The following HDAC4 variants were observed in gnomAD, a reference collection of about 807,000 sequenced individuals.
HDAC4 encodes histone deacetylase 4.
Under a neutral mutation model 135.1 loss-of-function variants are expected in HDAC4, and 16 were observed. That is an observed-to-expected ratio of 0.12 (90% CI 0.08 to 0.18). The LOEUF is 0.18. HDAC4 is among the 10% of genes least tolerant of loss of function. The pLI, the probability that HDAC4 is intolerant of heterozygous loss-of-function variation, is 1.00. For synonymous variants in HDAC4, 685 were observed against 653.4 expected, an observed-to-expected ratio of 1.05 and a Z score of -0.74; for missense variants, 1,143 against 1,511.8, an observed-to-expected ratio of 0.76 and a Z score of 4.05.
chr2:239,389,434 C>T lies in HDAC4; in HGVS notation c.-220+11544G>A, dbSNP rs140049793. On this transcript the variant is annotated intron_variant, in intron 1 of 26. Coordinates refer to ENST00000543185, the MANE Select transcript of HDAC4 (RefSeq NM_001378414.1). ...CGAACCTGCTGGACAGAAGAAACCC[C>T]GGACACATCTGAAGGAACAAACTCC... Among the ~76,000 whole-genome samples, 1,238 of 152,260 alleles carry T rather than the reference C, an allele frequency of 8.1e-3. 18 individuals carry two copies. The highest frequency in any genetic ancestry group is 0.027 in the African/African-American group (1,140 of 41,548).
At chr2:239,136,568 A>G (rs2040970707) in intron 9 of HDAC4, among the ~76,000 whole-genome samples, 1 of 152,252 alleles carries the variant, frequency 6.6e-6, no homozygotes, top group Admixed American at 6.5e-5. Flanking sequence ...AAGCTTCTGC[A>G]CAGCAAAGGA....
Position 239,400,347 on chromosome 2 carries a change from C to G in HDAC4, c.-220+631G>C, listed in dbSNP as rs1696881385. On this transcript the variant is annotated intron_variant, in intron 1 of 26. Coordinates refer to ENST00000543185, the MANE Select transcript of HDAC4 (RefSeq NM_001378414.1). This position sits in a 1 kb window ranked among gnomAD's most constrained non-coding sequence, Gnocchi z 4.7. Reference sequence around the variant, plus strand: ...GCCGGCCCCGGCGCCCGCCCGCCCCCGCCCTCACTCCCGGCGGCCCGGAGC... The same window carrying G: ...GCCGGCCCCGGCGCCCGCCCGCCCCGGCCCTCACTCCCGGCGGCCCGGAGC... The G allele has an allele frequency of 1.3e-5, 2 of 149,030 alleles. No individual in the cohort carries two copies. The highest frequency in any genetic ancestry group is 4.1e-4 in the South Asian group (2 of 4,894). 9.2% of individuals were successfully genotyped at this position (149,030 alleles called of 1,614,324 possible).
In HDAC4 at chr2:239,141,067, AC is replaced by A. The variant is rs1434519238; in HGVS notation, c.866-1272del. On this transcript the variant is annotated intron_variant, in intron 8 of 26. Coordinates refer to ENST00000543185, the MANE Select transcript of HDAC4 (RefSeq NM_001378414.1). This position sits in a 1 kb window ranked among gnomAD's most constrained non-coding sequence, Gnocchi z 4.9. The stretch of plus-strand genomic sequence containing the variant: ...ACTGTTTGAGGAAGGTGCCATTATG[AC>A]CCCGTTTCCCAGAAGAGGAGATGGA... The A allele has an allele frequency of 3.6e-6, 1 of 276,982 alleles. No individual in the cohort carries two copies. Among genetic ancestry groups the A allele is most frequent in the African/African-American group, 2.3e-5 (1 of 43,172 alleles). 17.2% of individuals were successfully genotyped at this position (276,982 alleles called of 1,614,324 possible).
intron 5 of HDAC4, among the ~76,000 whole-genome samples, chr2:239,169,887 A>C (rs2152987195): frequency 6.6e-6 from 1 of 152,252 alleles, no homozygotes; most frequent in South Asian, 2.1e-4. Context: ...GGATTAAGTC[A>C]CCACCTTATC....
chr2:239,127,905 A>T (rs989505004), intron 11 of HDAC4, among the ~76,000 whole-genome samples: 4 of 152,218 alleles, frequency 2.6e-5, no homozygotes, highest in African/African-American at 4.8e-5. Flanking sequence ...GTGGAGTCCA[A>T]GCCTCCCAGT....
At chr2:239,233,135 GTTTTC>G (rs1373054563) in intron 3 of HDAC4, among the ~76,000 whole-genome samples, 3 of 152,224 alleles carry the variant, frequency 2.0e-5, no homozygotes, top group Non-Finnish European at 2.9e-5. Flanking sequence ...ATGGTTATGT[GTTTTC>G]TTTTATGATA....
intron 12 of HDAC4, among the ~76,000 whole-genome samples, chr2:239,118,494 G>C (rs942883765): frequency 2.6e-5 from 4 of 152,236 alleles, no homozygotes; most frequent in African/African-American, 9.6e-5. Context: ...GTGGGTGGCC[G>C]CGCGTCGGGA....
chr2:239,220,542 T>C (rs1559243760), intron 3 of HDAC4, among the ~76,000 whole-genome samples: 1 of 152,152 alleles, frequency 6.6e-6, no homozygotes, highest in Non-Finnish European at 1.5e-5. Flanking sequence ...GGGAAGACAG[T>C]GACCTCGGAG....
chr2:239,073,206 C>A (rs565870470), intron 22 of HDAC4, among the ~76,000 whole-genome samples: 1 of 152,314 alleles, frequency 6.6e-6, no homozygotes, highest in Admixed American at 6.5e-5. Context: ...GGCTTCTGAG[C>A]AGTCTGCTTC....
At chr2:239,061,973 C>T (rs564499734) in intron 24 of HDAC4, among the ~76,000 whole-genome samples, 9 of 152,220 alleles carry the variant, frequency 5.9e-5, no homozygotes, top group South Asian at 4.1e-4. Flanking sequence ...CCTAACCTCC[C>T]GGGGGCACGG....
chr2:239,388,996 G>A (rs1333393326), intron 1 of HDAC4, among the ~76,000 whole-genome samples: 2 of 152,206 alleles, frequency 1.3e-5, no homozygotes, highest in African/African-American at 2.4e-5. Context: ...CTGGGAGCCC[G>A]CATTCTGCCT....
At chr2:239,080,941 T>C in intron 22 of HDAC4, 154 bp downstream of exon 22, 1 of 615,588 alleles carries the variant, frequency 1.6e-6, no homozygotes, top group Non-Finnish European at 2.9e-6. Flanking sequence ...CGCTTGGCAC[T>C]GAAGAATGAA....
intron 2 of HDAC4, among the ~76,000 whole-genome samples, chr2:239,327,471 C>A (rs140798712): frequency 1.5e-3 from 236 of 152,384 alleles, no homozygotes; most frequent in African/African-American, 5.6e-3. Flanking sequence ...ATACGGAAGT[C>A]TTTTCTCAAT....
At chr2:239,125,435 G>A (rs2040115912) in intron 12 of HDAC4, among the ~76,000 whole-genome samples, 2 of 152,166 alleles carry the variant, frequency 1.3e-5, no homozygotes, top group Non-Finnish European at 2.9e-5. Context: ...TCTACAGCCT[G>A]CAGAACCAGA....
chr2:239,385,110 T>G (rs1695699652), intron 1 of HDAC4, among the ~76,000 whole-genome samples: 1 of 152,220 alleles, frequency 6.6e-6, no homozygotes, highest in African/African-American at 2.4e-5. Context: ...GGCACCTTGC[T>G]TCCCGGCCGC....
At chr2:239,094,659 C>G (rs1348964358) in intron 17 of HDAC4, 2 of 1,181,164 alleles carry the variant, frequency 1.7e-6, no homozygotes, top group East Asian at 5.6e-5. Flanking sequence ...CAGAAGCACG[C>G]ATCCTACCCG....
At chr2:239,371,336 AAC>A (rs1694599926) in intron 1 of HDAC4, among the ~76,000 whole-genome samples, 2 of 151,692 alleles carry the variant, frequency 1.3e-5, no homozygotes, top group Non-Finnish European at 2.9e-5. Flanking sequence ...CACAATCATG[AAC>A]ACACTCAAAC....
Position 239,053,532 on chromosome 2 carries a change from C to T in HDAC4, c.3158G>A (p.Cys1053Tyr). Reference sequence around the variant, plus strand: ...GACCGTCTCGGCTTCTTCGTTCTCGCAAGTCTGAGCCTCGATCAGAGAACG... The same window carrying T: ...GACCGTCTCGGCTTCTTCGTTCTCGTAAGTCTGAGCCTCGATCAGAGAACG... ...AGRSLIEAQT[C>Y]ENEEAETVTA... The change falls in exon 26 of 27, where the codon TGC becomes TAC. Residue 1053 changes from cysteine (C) to tyrosine (Y), a missense_variant. This residue lies in a region of HDAC4 where 131 missense variants were observed against 130.6 expected (regional missense o/e 1.00). Transcript: ENST00000543185. 1 of 1,613,940 alleles carries T rather than the reference C, an allele frequency of 6.2e-7. No individual in the cohort carries two copies. Among genetic ancestry groups the T allele is most frequent in the Non-Finnish European group, 8.5e-7 (1 of 1,180,012 alleles).
In HDAC4 at chr2:239,053,453, T is replaced by G. The variant is rs749051152; in HGVS notation, c.3230+7A>C. On this transcript the variant is annotated splice_region_variant and intron_variant, in intron 26 of 26. Transcript: ENST00000543185. ...GCCTGCAGGCGGGCGGCAGGGCAGGTGCTCACCTCTTTTCGGCGGGCTTCA... is the reference window on the plus strand; with the variant it reads ...GCCTGCAGGCGGGCGGCAGGGCAGGGGCTCACCTCTTTTCGGCGGGCTTCA... The G allele has an allele frequency of 1.2e-6, 2 of 1,611,520 alleles. No homozygotes were observed. Among genetic ancestry groups the G allele is most frequent in the Non-Finnish European group, 1.7e-6 (2 of 1,178,882 alleles).
Sources: gnomAD v4.1 joint callset for allele counts (sites outside exome capture counted in the v4.1 genomes callset) on GRCh38, gnomAD v4.1.1 for gene constraint, gnomAD v4.1.1 regional missense constraint, Gnocchi (gnomAD v3.1) non-coding constraint, MANE v1.5 for transcripts, NCBI Gene and HGNC (gene_info 2026-07-23, HGNC 2026-07-21) for gene names.